Variants in CEP170 observed in about 807,000 individuals in gnomAD.
The protein encoded by CEP170 is centrosomal protein 170.
Under a neutral mutation model 151.9 loss-of-function variants are expected in CEP170, and 21 were observed. The ratio of observed to expected loss-of-function variants is 0.14; its 90% CI spans 0.10 to 0.20. CEP170 has a LOEUF of 0.20. Among genes scored for constraint, CEP170 ranks in the 10% least tolerant of loss-of-function variants. The pLI is 1.00. For synonymous variants in CEP170, 356 were observed against 648.8 expected (o/e 0.55, Z 6.86); for missense variants, 964 against 1,892.9 (o/e 0.51, Z 9.11).
intron 8 of CEP170, among the ~76,000 whole-genome samples, chr1:243,188,347 T>A (rs1440546492): frequency 6.6e-6 from 1 of 152,220 alleles, no homozygotes; most frequent in East Asian, 1.9e-4. Flanking sequence ...TCAGGCCCTT[T>A]CAAATATCTT....
rs181801254 is a variant in CEP170 at position 243,242,420 on chromosome 1, G to A, written c.-42+12620C>T. Among the ~76,000 whole-genome samples, 217 of 151,374 alleles carry A rather than the reference G, an allele frequency of 1.4e-3. 1 individual carries two copies. The highest frequency in any genetic ancestry group is 5.0e-3 in the African/African-American group (207 of 41,198). Reference sequence around the variant, plus strand: ...TTTTTAGTAGAGACGGGGTTTCACCGTGTTAGCCAGGATGGTCTCGATCTC... The same window carrying A: ...TTTTTAGTAGAGACGGGGTTTCACCATGTTAGCCAGGATGGTCTCGATCTC... On this transcript the variant is annotated intron_variant, in intron 1 of 19. Coordinates refer to ENST00000366542, the MANE Select transcript of CEP170 (RefSeq NM_014812.3).
intron 13 of CEP170, among the ~76,000 whole-genome samples, chr1:243,163,980 C>A (rs930887436): frequency 2.3e-4 from 35 of 152,076 alleles, no homozygotes; most frequent in African/African-American, 8.2e-4. Flanking sequence ...ACACACACAT[C>A]CAAATATAGC....
At chr1:243,167,217 A>T (rs2058506000) in intron 12 of CEP170, among the ~76,000 whole-genome samples, 1 of 152,074 alleles carries the variant, frequency 6.6e-6, no homozygotes, top group East Asian at 1.9e-4. Context: ...AAAGAATGAT[A>T]ATTTTGGATT....
At chr1:243,155,105 GAAC>G (rs539305716) in intron 14 of CEP170, among the ~76,000 whole-genome samples, 45 of 152,248 alleles carry the variant, frequency 3.0e-4, no homozygotes, top group African/African-American at 1.1e-3. Context: ...CCTCTAACTA[GAAC>G]AACTGGCTTA....
intron 8 of CEP170, among the ~76,000 whole-genome samples, chr1:243,188,285 T>C (rs983743331): frequency 2.6e-5 from 4 of 152,106 alleles, no homozygotes; most frequent in African/African-American, 9.7e-5. Context: ...GAAAATACCA[T>C]CTTCACAGAA....
chr1:243,212,168 A>G (rs2061868409), intron 3 of CEP170, among the ~76,000 whole-genome samples: 1 of 152,212 alleles, frequency 6.6e-6, no homozygotes, highest in Non-Finnish European at 1.5e-5. Context: ...CTGGTAACAC[A>G]CAAAGAACCC....
intron 1 of CEP170, among the ~76,000 whole-genome samples, chr1:243,248,470 C>T (rs1472050131): frequency 6.6e-6 from 1 of 152,220 alleles, no homozygotes; most frequent in African/African-American, 2.4e-5. Flanking sequence ...TGATGCTTAA[C>T]ATTTAACTAT....
At chr1:243,171,026 C>CTGTTAGGT (rs2058805883) in intron 11 of CEP170, among the ~76,000 whole-genome samples, 1 of 152,166 alleles carries the variant, frequency 6.6e-6, no homozygotes, top group South Asian at 2.1e-4. Context: ...TCTAAATGTC[C>CTGTTAGGT]TGTTAGGTAA....
intron 3 of CEP170, among the ~76,000 whole-genome samples, chr1:243,212,963 C>G (rs543795089): frequency 6.6e-6 from 1 of 151,874 alleles, no homozygotes; most frequent in Non-Finnish European, 1.5e-5. Context: ...CCATGCCTGG[C>G]CAAATTATAT....
At chr1:243,132,067 TATAA>T (rs550670054) in intron 17 of CEP170, among the ~76,000 whole-genome samples, 1 of 152,342 alleles carries the variant, frequency 6.6e-6, no homozygotes, top group African/African-American at 2.4e-5. Context: ...GGAGTTCCTG[TATAA>T]ATATTTAAAA....
intron 13 of CEP170, among the ~76,000 whole-genome samples, chr1:243,163,963 AATTTT>A (rs1292274735): frequency 6.6e-6 from 1 of 152,204 alleles, no homozygotes; most frequent in Admixed American, 6.5e-5. Context: ...CAGATAATTT[AATTTT>A]GACACACACA....
chr1:243,189,449 G>GGGAGGC (rs1210846926), intron 8 of CEP170, among the ~76,000 whole-genome samples: 2 of 151,392 alleles, frequency 1.3e-5, no homozygotes, highest in East Asian at 3.9e-4. Flanking sequence ...CCAGCTACTC[G>GGGAGGC]GGAGGCTGAG....
chr1:243,127,083 A>C (rs2148135207), intron 19 of CEP170, among the ~76,000 whole-genome samples: 1 of 152,342 alleles, frequency 6.6e-6, no homozygotes, highest in East Asian at 1.9e-4. Flanking sequence ...TTTAATAAAC[A>C]TCTAAACCCA....
At chr1:243,254,033 A>G (rs1175141429) in intron 1 of CEP170, among the ~76,000 whole-genome samples, 1 of 152,066 alleles carries the variant, frequency 6.6e-6, no homozygotes, top group African/African-American at 2.4e-5. Context: ...GCCCAATGAA[A>G]AAACAATTCT....
chr1:243,222,938 A>C (rs1026614730), intron 2 of CEP170, among the ~76,000 whole-genome samples: 4 of 152,190 alleles, frequency 2.6e-5, no homozygotes, highest in Non-Finnish European at 5.9e-5. Context: ...GGGTGGACCA[A>C]CTTGAGATTT....
intron 14 of CEP170, among the ~76,000 whole-genome samples, chr1:243,151,618 T>C (rs1451012160): frequency 6.6e-6 from 1 of 152,282 alleles, no homozygotes; most frequent in African/African-American, 2.4e-5. Flanking sequence ...CAGAGGTTGG[T>C]TCATGAGGCT....
Position 243,188,329 on chromosome 1 carries a change from T to C in CEP170, c.1109-1907A>G, listed in dbSNP as rs192480507. Among the ~76,000 whole-genome samples, 1,212 of 152,252 alleles carry C rather than the reference T, an allele frequency of 8.0e-3. 16 individuals carry two copies. Among genetic ancestry groups the C allele is most frequent in the African/African-American group, 0.027 (1,121 of 41,544 alleles). ...ATTCCAATAGATAAAATTTGGCACT[T>C]AGTGGTGTCAGGCCCTTTCAAATAT... On this transcript the variant is annotated intron_variant, in intron 8 of 19. Transcript: ENST00000366542.
At chr1:243,219,719 T>C (rs1429659483) in intron 3 of CEP170, among the ~76,000 whole-genome samples, 1 of 152,194 alleles carries the variant, frequency 6.6e-6, no homozygotes, top group Non-Finnish European at 1.5e-5. Flanking sequence ...CAATATAACA[T>C]TGTCAAAATG....
intron 8 of CEP170, among the ~76,000 whole-genome samples, chr1:243,186,664 C>A (rs1429607815): frequency 2.0e-5 from 3 of 152,184 alleles, no homozygotes; most frequent in Non-Finnish European, 4.4e-5. Flanking sequence ...CAAATTTTAA[C>A]TTTATAATGT....
Sources: allele counts gnomAD v4.1 joint callset (sites outside exome capture counted in the v4.1 genomes callset), GRCh38; gene constraint gnomAD v4.1.1; transcripts MANE v1.5; gene names NCBI Gene and HGNC (gene_info 2026-07-23, HGNC 2026-07-21).